The following NPFFR2 variants were observed in gnomAD, a reference collection of about 807,000 sequenced individuals.
NPFFR2 encodes neuropeptide FF receptor 2, also known as G-protein coupled receptor 74.
NPFFR2 carries 15 observed loss-of-function variants against 13.1 expected under a neutral mutation model. The ratio of observed to expected loss-of-function variants is 1.15; its 90% CI spans 0.77 to 1.76. NPFFR2 has a LOEUF of 1.76. Among genes scored for constraint, NPFFR2 ranks in the 40% most tolerant of loss-of-function variants. The pLI is 0.00. For missense variants in NPFFR2, 572 were observed against 503.5 expected (o/e 1.14, Z -1.30); for synonymous variants, 190 against 175.7 (o/e 1.08, Z -0.65).
intron 3 of NPFFR2, among the ~76,000 whole-genome samples, chr4:72,139,516 A>C (rs1490044055): frequency 6.6e-6 from 1 of 152,152 alleles, no homozygotes; most frequent in Non-Finnish European, 1.5e-5. Flanking sequence ...TAAATGGGGA[A>C]TCCTTTCCCA....
intron 1 of NPFFR2, among the ~76,000 whole-genome samples, chr4:72,084,207 A>C (rs547074490): frequency 6.6e-6 from 1 of 152,202 alleles, no homozygotes; most frequent in Non-Finnish European, 1.5e-5. Context: ...GAAACACTTC[A>C]TATTAGGAAA....
intron 1 of NPFFR2, among the ~76,000 whole-genome samples, chr4:72,128,131 A>T (rs949304899): frequency 1.3e-5 from 2 of 152,138 alleles, no homozygotes; most frequent in Non-Finnish European, 2.9e-5. Flanking sequence ...TGGCAAATAC[A>T]AGAAGTTATT....
intron 1 of NPFFR2, among the ~76,000 whole-genome samples, chr4:72,088,697 G>A (rs1720834534): frequency 6.6e-6 from 1 of 151,998 alleles, no homozygotes; most frequent in Non-Finnish European, 1.5e-5. Flanking sequence ...AGAGAGTAAA[G>A]GAGGGAGTGC....
intron 1 of NPFFR2, among the ~76,000 whole-genome samples, chr4:72,080,094 T>G (rs1268516146): frequency 1.3e-5 from 2 of 152,122 alleles, no homozygotes; most frequent in African/African-American, 4.8e-5. Context: ...GAGATGTCTC[T>G]AAAGTTCTGG....
At chr4:72,058,299 A>G (rs957270581) in intron 1 of NPFFR2, among the ~76,000 whole-genome samples, 3 of 151,962 alleles carry the variant, frequency 2.0e-5, no homozygotes, top group Admixed American at 1.3e-4. Flanking sequence ...TAAATATGGC[A>G]AAGTGTGAAT....
At position 72,128,588 on chromosome 4, in the gene NPFFR2, C is replaced by T. The variant is rs767592796; in HGVS notation, c.-4C>T. ...TTTCTGTCTCTTCTTTATTAAGGTT[C>T]ATCATGAATGAGAAATGGGACACAA... On this transcript the variant is annotated 5_prime_UTR_variant, in exon 2 of 4. Transcript: ENST00000308744. The T allele has an allele frequency of 5.7e-6, 9 of 1,586,244 alleles. No individual in the cohort carries two copies. The highest frequency in any genetic ancestry group is 1.1e-5 in the South Asian group (1 of 87,996).
intron 1 of NPFFR2, among the ~76,000 whole-genome samples, chr4:72,118,857 G>A (rs1721787174): frequency 6.6e-6 from 1 of 152,004 alleles, no homozygotes; most frequent in Non-Finnish European, 1.5e-5. Flanking sequence ...AATGGGGTTG[G>A]TAAAGGCAGC....
intron 1 of NPFFR2, among the ~76,000 whole-genome samples, chr4:72,098,161 A>T (rs960373591): frequency 6.6e-6 from 1 of 151,698 alleles, no homozygotes; most frequent in Non-Finnish European, 1.5e-5. Context: ...TTTAGCAATT[A>T]TGGAAACAAC....
chr4:72,089,766 T>C (rs2109800647), intron 1 of NPFFR2, among the ~76,000 whole-genome samples: 1 of 152,198 alleles, frequency 6.6e-6, no homozygotes, highest in South Asian at 2.1e-4. Flanking sequence ...CCACTCTTTG[T>C]GTTACCTGTC....
intron 1 of NPFFR2, among the ~76,000 whole-genome samples, chr4:72,122,981 G>T (rs1167181458): frequency 6.6e-6 from 1 of 152,052 alleles, no homozygotes; most frequent in Non-Finnish European, 1.5e-5. Context: ...TTTTTGAAAA[G>T]ATTAACAAAA....
At chr4:72,048,136 G>T (rs563359182) in intron 1 of NPFFR2, among the ~76,000 whole-genome samples, 3 of 151,890 alleles carry the variant, frequency 2.0e-5, no homozygotes, top group Non-Finnish European at 2.9e-5. Flanking sequence ...ATATACACAC[G>T]TACGTAAATG....
Position 72,147,735 on chromosome 4 carries a change from A to G in NPFFR2, c.1186A>G (p.Arg396Gly), listed in dbSNP as rs1378680272. 1.2e-6 allele frequency: 2 copies of G among 1,607,964 alleles called. No homozygotes were observed. The highest frequency in any genetic ancestry group is 1.7e-6 in the Non-Finnish European group (2 of 1,178,612). Residue 396 changes from arginine (R) to glycine (G), a missense_variant, in exon 4 of 4, where the codon AGG (arginine) becomes GGG (glycine). By Grantham distance (125) the Arg-to-Gly change is moderately radical. Transcript: ENST00000308744. ...CCCTCATGGGGAAACCTTGCTTTAT[A>G]GGAAAAGTGCTGAAAAACCCCAACA... ...QNPHGETLLY[R>G]KSAEKPQQEL...
chr4:72,065,576 A>G (rs953464828), intron 1 of NPFFR2, among the ~76,000 whole-genome samples: 1 of 152,208 alleles, frequency 6.6e-6, no homozygotes, highest in Admixed American at 6.5e-5. Flanking sequence ...AAATTATACA[A>G]ATTGACCCAA....
rs1341571145 is a variant in NPFFR2 at position 72,127,355 on chromosome 4, C to CTTTTTTTTTTTTTTTTTTTT, written c.-7-1226_-7-1225insTTTTTTTTTTTTTTTTTTTT. Reference sequence around the variant, plus strand: ...AAGTCATACAGATTCTAAATAATTTCTTTTCTTTTTTTTTTTTTTTTTTTT... The same window carrying CTTTTTTTTTTTTTTTTTTTT: ...AAGTCATACAGATTCTAAATAATTTCTTTTTTTTTTTTTTTTTTTTTTTTCTTTTTTTTTTTTTTTTTTTT... On this transcript the variant is annotated intron_variant, in intron 1 of 3. Transcript: ENST00000308744. 1.9e-4 allele frequency among the ~76,000 whole-genome samples: 17 copies of CTTTTTTTTTTTTTTTTTTTT among 91,200 alleles called. 3 individuals carry two copies. The highest frequency in any genetic ancestry group is 7.8e-4 in the African/African-American group (17 of 21,706). 59.8% of individuals were successfully genotyped at this position (91,200 alleles called of 152,430 possible).
At chr4:72,078,809 A>T (rs138063705) in intron 1 of NPFFR2, among the ~76,000 whole-genome samples, 1 of 152,248 alleles carries the variant, frequency 6.6e-6, no homozygotes, top group Non-Finnish European at 1.5e-5. Context: ...CAGTGGAATT[A>T]TGCTGAGTGG....
intron 1 of NPFFR2, among the ~76,000 whole-genome samples, chr4:72,054,774 C>G (rs1011262630): frequency 6.6e-6 from 1 of 151,660 alleles, no homozygotes; most frequent in East Asian, 1.9e-4. Context: ...ATAAACAATT[C>G]TTATAACTCA....
intron 1 of NPFFR2, among the ~76,000 whole-genome samples, chr4:72,095,734 T>C (rs1049865020): frequency 9.2e-5 from 14 of 152,166 alleles, no homozygotes; most frequent in Admixed American, 6.5e-4. Context: ...TCACTTTCTG[T>C]GCAGCTCTCA....
At chr4:72,090,003 G>A (rs1315149159) in intron 1 of NPFFR2, among the ~76,000 whole-genome samples, 1 of 152,082 alleles carries the variant, frequency 6.6e-6, no homozygotes, top group Non-Finnish European at 1.5e-5. Context: ...TTTTGTATAA[G>A]GTGAGAGATG....
chr4:72,052,624 A>C (rs946571632), intron 1 of NPFFR2, among the ~76,000 whole-genome samples: 1 of 151,872 alleles, frequency 6.6e-6, no homozygotes, highest in Non-Finnish European at 1.5e-5. Context: ...CTATTCTTTG[A>C]GATATTTTGA....
Sources: allele counts gnomAD v4.1 joint callset (sites outside exome capture counted in the v4.1 genomes callset), GRCh38; gene constraint gnomAD v4.1.1; transcripts MANE v1.5; gene names NCBI Gene and HGNC (gene_info 2026-07-23, HGNC 2026-07-21).